The following CHD9 variants were observed in gnomAD, a reference collection of about 807,000 sequenced individuals.
CHD9 encodes the protein chromodomain helicase DNA binding protein 9.
In CHD9, 77 loss-of-function variants were observed where a neutral mutation model predicts 316.1. That is an observed-to-expected ratio of 0.24 (90% CI 0.20 to 0.29). CHD9 has a LOEUF of 0.29. Among genes scored for constraint, CHD9 ranks in the 10% least tolerant of loss-of-function variants. The pLI is 1.00. For synonymous variants in CHD9, 1,129 were observed against 1,158.3 expected, an observed-to-expected ratio of 0.97 and a Z score of 0.51; for missense variants, 2,763 against 3,438.1, an observed-to-expected ratio of 0.80 and a Z score of 4.91.
rs552853666 is a variant in CHD9 at position 53,132,829 on chromosome 16, G to A, written c.-164-23097G>A. Among the ~76,000 whole-genome samples, 27 of 107,716 alleles carry A rather than the reference G, an allele frequency of 2.5e-4. No individual in the cohort carries two copies. In the South Asian group the frequency reaches 6.9e-3, roughly 28 times the overall value. The allele number at this position is 107,716 out of a possible 152,430, so 70.7% of individuals were successfully genotyped here. On this transcript the variant is annotated intron_variant, in intron 1 of 38. Transcript: ENST00000447540. ...TTTTTTTTTTTTTTTTTGGTGTTGA[G>A]ACGGAGTCTCGCTCTGTCACCCAGG...
Position 53,209,694 on chromosome 16 carries a change from T to C in CHD9, c.1665T>C (p.Pro555=). 6.2e-7 allele frequency: 1 copy of C among 1,613,874 alleles called. No individual in the cohort carries two copies. The highest frequency in any genetic ancestry group is 8.5e-7 in the Non-Finnish European group (1 of 1,179,826). ...GAGTAATGAGCCCTGAAAACTTTCC[T>C]ACTGCTTCAGTTGAAGGAAAAGAGG... is the stretch of plus-strand genomic sequence containing the variant. ...IPRVMSPENF[P]TASVEGKEEK... The change falls in exon 3 of 39, where the codon CCT becomes CCC. Residue 555 remains proline, a synonymous_variant. Transcript: ENST00000447540.
rs761428150 is a variant in CHD9 at position 53,245,565 on chromosome 16, T to TTA, written c.3199-26_3199-25dup. The TTA allele has an allele frequency of 7.1e-6, 11 of 1,540,156 alleles. No homozygotes were observed. The East Asian group carries it at 2.5e-4, about 35-fold the overall frequency. ...ATGTGTAATTAAATGCTCACTTATG[T>TTA]TATATGTCTTTTTATCATTTTTTAT... On this transcript the variant is annotated intron_variant, in intron 14 of 38. Transcript: ENST00000447540. The surrounding 1 kb of genome is among the most constrained non-coding windows in gnomAD (Gnocchi z 4.1).
At chr16:53,214,915 CT>C (rs71143973) in intron 3 of CHD9, among the ~76,000 whole-genome samples, 96,455 of 123,310 alleles carry the variant, frequency 0.78, 37,179 homozygotes, top group African/African-American at 0.89. Flanking sequence ...CAATATATAT[CT>C]TTTTTTTTTT....
intron 2 of CHD9, among the ~76,000 whole-genome samples, chr16:53,176,369 A>G (rs1279953217): frequency 6.6e-6 from 1 of 152,200 alleles, no homozygotes; most frequent in Non-Finnish European, 1.5e-5. Flanking sequence ...TAGTGATTAC[A>G]TCGGGCCTAC....
intron 34 of CHD9, among the ~76,000 whole-genome samples, chr16:53,313,400 G>C (rs1333922158): frequency 6.6e-6 from 1 of 152,024 alleles, no homozygotes; most frequent in African/African-American, 2.4e-5. Flanking sequence ...CCGCCTCCCG[G>C]ATTCAAGTGA....
At chr16:53,205,079 T>A (rs2045792678) in intron 2 of CHD9, among the ~76,000 whole-genome samples, 1 of 152,156 alleles carries the variant, frequency 6.6e-6, no homozygotes, top group Non-Finnish European at 1.5e-5. Context: ...TGACCTCAAG[T>A]GATGCATCCA....
At chr16:53,132,168 A>C (rs1030487433) in intron 1 of CHD9, among the ~76,000 whole-genome samples, 2 of 151,916 alleles carry the variant, frequency 1.3e-5, no homozygotes, top group Admixed American at 6.6e-5. Context: ...AACAAAGTAG[A>C]TGAGAATTTT....
chr16:53,188,018 C>G (rs1358801327), intron 2 of CHD9, among the ~76,000 whole-genome samples: 2 of 152,340 alleles, frequency 1.3e-5, no homozygotes, highest in East Asian at 3.9e-4. Context: ...TCCTAACACC[C>G]TAACCCTAGG....
intron 1 of CHD9, among the ~76,000 whole-genome samples, chr16:53,150,904 CT>C (rs1234242735): frequency 6.6e-6 from 1 of 152,112 alleles, no homozygotes; most frequent in Non-Finnish European, 1.5e-5. Flanking sequence ...TCAAGATTCT[CT>C]TTGTCTTTTG....
chr16:53,321,178 C>T (rs1309801143), intron 37 of CHD9: 1 of 1,244,566 alleles, frequency 8.0e-7, no homozygotes, highest in Admixed American at 2.3e-5. Context: ...AAAATTGAGG[C>T]TGAAAGAGAT....
chr16:53,311,578 G>A (rs527656347), intron 34 of CHD9: 9 of 152,166 alleles, frequency 5.9e-5, no homozygotes, highest in Non-Finnish European at 1.3e-4. Flanking sequence ...TGTGCCTTTT[G>A]TATTCTTGTG....
intron 24 of CHD9, among the ~76,000 whole-genome samples, chr16:53,276,970 A>G (rs999856895): frequency 6.6e-6 from 1 of 152,162 alleles, no homozygotes; most frequent in Non-Finnish European, 1.5e-5. Flanking sequence ...CCAGGCTACT[A>G]TGAATACCTT....
intron 1 of CHD9, among the ~76,000 whole-genome samples, chr16:53,143,378 A>ATTTATTTG (rs1368333713): frequency 6.9e-6 from 1 of 145,082 alleles, no homozygotes; most frequent in African/African-American, 2.6e-5. Context: ...TTATTTATTT[A>ATTTATTTG]TTTATTTATT....
intron 37 of CHD9, chr16:53,319,810 C>T (rs1210859733): frequency 2.4e-6 from 3 of 1,262,248 alleles, no homozygotes; most frequent in Admixed American, 2.4e-5. Context: ...CTCTCGGGTA[C>T]AGGCTTAAGG....
At chr16:53,223,087 G>C (rs189125838) in intron 4 of CHD9, among the ~76,000 whole-genome samples, 10 of 152,280 alleles carry the variant, frequency 6.6e-5, no homozygotes, top group Admixed American at 6.5e-4. Flanking sequence ...TCTTTTGAAT[G>C]AACGTGATGG....
intron 25 of CHD9, 69 bp from the exon 26 acceptor site, chr16:53,286,157 G>C (rs1360428990): frequency 1.3e-6 from 1 of 762,790 alleles, no homozygotes; most frequent in Non-Finnish European, 2.2e-6. Context: ...GTAAATACGA[G>C]GAATGCTTAT....
chr16:53,117,650 A>T (rs899451766), intron 1 of CHD9, among the ~76,000 whole-genome samples: 1 of 151,980 alleles, frequency 6.6e-6, no homozygotes, highest in Non-Finnish European at 1.5e-5. Flanking sequence ...TCCCGACCTC[A>T]GGTAATCTAC....
chr16:53,242,111 C>G (rs1318799036), intron 12 of CHD9, among the ~76,000 whole-genome samples: 3 of 152,000 alleles, frequency 2.0e-5, no homozygotes, highest in Non-Finnish European at 4.4e-5. Context: ...ATCAACATGA[C>G]TTCCTCCCTC....
rs1367430776 is a variant in CHD9, at chr16:53,228,895, A to G, written c.2169-88A>G. On this transcript the variant is annotated intron_variant, in intron 7 of 38. Transcript: ENST00000447540. ...CTACCTATTTGAAAAGTTGAAGACA[A>G]TAGTTTATATTGGATGTTATGATTT... The G allele has an allele frequency of 1.0e-5, 6 of 593,318 alleles. No individual in the cohort carries two copies. In the Admixed American group the frequency reaches 1.6e-4, roughly 16 times the overall value. 36.8% of individuals were successfully genotyped at this position (593,318 alleles called of 1,614,324 possible).
Sources: gnomAD v4.1 joint callset for allele counts (sites outside exome capture counted in the v4.1 genomes callset) on GRCh38, gnomAD v4.1.1 for gene constraint, Gnocchi (gnomAD v3.1) non-coding constraint, MANE v1.5 for transcripts, NCBI Gene and HGNC (gene_info 2026-07-23, HGNC 2026-07-21) for gene names.